The following CCDC171 variants were observed in gnomAD, a reference collection of about 807,000 sequenced individuals.
CCDC171 encodes the protein coiled-coil domain-containing protein 171.
CCDC171 carries 177 observed loss-of-function variants against 168.2 expected under a neutral mutation model. That is an observed-to-expected ratio of 1.05 (90% confidence interval 0.93 to 1.19). The LOEUF is 1.19. Ranked by LOEUF, CCDC171 falls within the 50% of genes most tolerant of loss-of-function variation. The probability of loss-of-function intolerance (pLI) is 0.00; values close to 1 mark genes in which losing one functional copy is unlikely to be tolerated. For synonymous variants in CCDC171, 687 were observed against 540.8 expected (o/e 1.27, Z -3.75); for missense variants, 1,991 against 1,539.0 (o/e 1.29, Z -4.91).
At position 15,727,340 on chromosome 9, in the gene CCDC171, G is replaced by A. The variant is rs544677595; in HGVS notation, c.1693-529G>A. On this transcript the variant is annotated intron_variant, in intron 14 of 25. Coordinates refer to ENST00000380701, the MANE Select transcript of CCDC171 (RefSeq NM_173550.4). ...TAGTAAGTAAACTGGATTCTCTGGA[G>A]GAAGAAGAAAGCTGAGTAATTGTGT... is the stretch of plus-strand genomic sequence containing the variant. Among the ~76,000 whole-genome samples the A allele has an allele frequency of 5.3e-5, 8 of 152,260 alleles. No individual in the cohort carries two copies. The East Asian group carries it at 1.4e-3, about 26-fold the overall frequency.
the CCDC171 span, among the ~76,000 whole-genome samples, chr9:16,102,657 G>C: frequency 3.3e-5 from 5 of 152,274 alleles, no homozygotes; most frequent in African/African-American, 1.2e-4. Context: ...AGGGTCAGAA[G>C]ATCTGTTTGT....
At chr9:15,876,819 TTGTACTC>T (rs1817910053) in intron 24 of CCDC171, among the ~76,000 whole-genome samples, 1 of 152,092 alleles carries the variant, frequency 6.6e-6, no homozygotes, top group Non-Finnish European at 1.5e-5. Flanking sequence ...TTGTTTAACT[TTGTACTC>T]TGACTCTGTA....
intron 18 of CCDC171, among the ~76,000 whole-genome samples, chr9:15,774,644 A>G (rs1423354757): frequency 6.6e-6 from 1 of 152,246 alleles, no homozygotes; most frequent in Non-Finnish European, 1.5e-5. Flanking sequence ...TACAAAAAAG[A>G]TACTTGCACA....
intron 6 of CCDC171, among the ~76,000 whole-genome samples, chr9:15,596,699 G>T (rs2042391948): frequency 6.6e-6 from 1 of 151,740 alleles, no homozygotes; most frequent in Non-Finnish European, 1.5e-5. Flanking sequence ...TTGGTAGCTT[G>T]ATGGGGATGG....
rs1347113043 is a variant in CCDC171 at position 15,998,017 on chromosome 9, C to A, written n.369-22572C>A. Reference sequence around the variant, plus strand: ...CCCATGGTAGCTGTAGCTTGTACTTCCATAGGATCCTTATCATGTCTGTTG... The same window carrying A: ...CCCATGGTAGCTGTAGCTTGTACTTACATAGGATCCTTATCATGTCTGTTG... On this transcript the variant is annotated intron_variant and non_coding_transcript_variant, in intron 3 of 9. Coordinates refer to the CCDC171 transcript ENST00000486641. Among the ~76,000 whole-genome samples the A allele has an allele frequency of 2.6e-5, 4 of 152,164 alleles. No homozygotes were observed. In the East Asian group the frequency reaches 7.7e-4, roughly 29 times the overall value.
chr9:15,894,243 A>G (rs894292140), intron 24 of CCDC171, among the ~76,000 whole-genome samples: 3 of 152,244 alleles, frequency 2.0e-5, no homozygotes, highest in Non-Finnish European at 4.4e-5. Context: ...ACATTTACAC[A>G]TGAAGAAGAA....
chr9:15,642,193 G>T (rs10756687), intron 7 of CCDC171, among the ~76,000 whole-genome samples: 61,393 of 150,728 alleles, frequency 0.41, 14,295 homozygotes, highest in East Asian at 0.76. Flanking sequence ...TGTTCGTAGT[G>T]TATAGTACAT....
At chr9:15,945,705 T>C (rs2132363923) in intron 25 of CCDC171, among the ~76,000 whole-genome samples, 1 of 151,292 alleles carries the variant, frequency 6.6e-6, no homozygotes, top group East Asian at 2.0e-4. Context: ...TTCATGTCCT[T>C]CACCCCCTTT....
At chr9:15,966,106 C>T (rs1189925983) in intron 25 of CCDC171, among the ~76,000 whole-genome samples, 8 of 151,838 alleles carry the variant, frequency 5.3e-5, no homozygotes, top group Admixed American at 3.9e-4. Flanking sequence ...AGTTTTATAG[C>T]GGAAATATAA....
At chr9:16,030,560 A>T (rs922489457) in intron 6 of CCDC171, among the ~76,000 whole-genome samples, 1 of 152,346 alleles carries the variant, frequency 6.6e-6, no homozygotes, top group South Asian at 2.1e-4. Flanking sequence ...TTTGATATGC[A>T]AAAGTAGCAG....
At position 15,621,498 on chromosome 9, in the gene CCDC171, AATT is replaced by A. The variant is rs199815764; in HGVS notation, c.676-1764_676-1762del. Among the ~76,000 whole-genome samples the A allele has an allele frequency of 1.6e-3, 238 of 152,290 alleles. 7 individuals carry two copies. The East Asian group carries it at 0.043, about 28-fold the overall frequency. ...AAGAAGTCTGTTACCTGAAGGAAGT[AATT>A]ATTAAGAGTTCATATATAGCCTGCT... On this transcript the variant is annotated intron_variant, in intron 6 of 25. Transcript: ENST00000380701.
intron 3 of CCDC171, among the ~76,000 whole-genome samples, chr9:15,990,758 A>G (rs999441908): frequency 6.6e-6 from 1 of 152,234 alleles, no homozygotes; most frequent in African/African-American, 2.4e-5. Context: ...AAAACAAAAA[A>G]AGGCAGGAGT....
intron 3 of CCDC171, among the ~76,000 whole-genome samples, chr9:16,011,848 G>C (rs1439562803): frequency 6.6e-6 from 1 of 152,120 alleles, no homozygotes; most frequent in Non-Finnish European, 1.5e-5. Context: ...TTCTCTGAGG[G>C]TTTTCCACTC....
chr9:15,756,509 G>C (rs2056125869), intron 18 of CCDC171, among the ~76,000 whole-genome samples: 1 of 152,108 alleles, frequency 6.6e-6, no homozygotes, highest in Non-Finnish European at 1.5e-5. Flanking sequence ...GTACCCAGTA[G>C]GCAGTTTTTC....
At chr9:15,812,566 G>T (rs1438519605) in intron 21 of CCDC171, among the ~76,000 whole-genome samples, 1 of 152,104 alleles carries the variant, frequency 6.6e-6, no homozygotes, top group African/African-American at 2.4e-5. Context: ...GCCACAAAAA[G>T]TTACTGTCCT....
intron 6 of CCDC171, among the ~76,000 whole-genome samples, chr9:15,596,576 C>G (rs1291178202): frequency 7.0e-6 from 1 of 143,200 alleles, no homozygotes; most frequent in Non-Finnish European, 1.5e-5. Flanking sequence ...AGTCAGGTAG[C>G]GTGATGCCTC....
At chr9:15,575,775 C>T (rs944397656) in intron 3 of CCDC171, among the ~76,000 whole-genome samples, 15 of 152,192 alleles carry the variant, frequency 9.9e-5, no homozygotes, top group African/African-American at 3.6e-4. Context: ...ATAGAAATCA[C>T]AGATACATAT....
Position 15,905,134 on chromosome 9 carries a change from A to G in CCDC171, c.3601-15136A>G, listed in dbSNP as rs1589067544. On this transcript the variant is annotated intron_variant, in intron 24 of 25. Transcript: ENST00000380701. Reference sequence around the variant, plus strand: ...TCAACGAGACAGAAAGTTAACAAAGATATCCAGGAATTGAACTCAGCTCTG... The same window carrying G: ...TCAACGAGACAGAAAGTTAACAAAGGTATCCAGGAATTGAACTCAGCTCTG... Among the ~76,000 whole-genome samples, 4 of 152,364 alleles carry G rather than the reference A, an allele frequency of 2.6e-5. No individual in the cohort carries two copies. The East Asian group carries it at 5.8e-4, about 22-fold the overall frequency.
chr9:15,784,495 C>T lies in CCDC171; in HGVS notation c.3082-14C>T, dbSNP rs200065820. On this transcript the variant is annotated splice_polypyrimidine_tract_variant and intron_variant, in intron 20 of 25. Transcript: ENST00000380701. Reference sequence around the variant, plus strand: ...AGCTTTATAACTGATTCTCCCCTCTCCTCCTTTTTACAGAAATTGATCACC... The same window carrying T: ...AGCTTTATAACTGATTCTCCCCTCTTCTCCTTTTTACAGAAATTGATCACC... 6 of 1,584,024 alleles carry T rather than the reference C, an allele frequency of 3.8e-6. No homozygotes were observed. The highest frequency in any genetic ancestry group is 5.2e-6 in the Non-Finnish European group (6 of 1,155,192).
Sources: gnomAD v4.1 joint callset for allele counts (sites outside exome capture counted in the v4.1 genomes callset) on GRCh38, gnomAD v4.1.1 for gene constraint, MANE v1.5 for transcripts, NCBI Gene and HGNC (gene_info 2026-07-23, HGNC 2026-07-21) for gene names.